The following PIEZO2 variants were observed in gnomAD, a reference collection of about 807,000 sequenced individuals.
PIEZO2 encodes the protein piezo type mechanosensitive ion channel component 2.
Under a neutral mutation model 337.3 loss-of-function variants are expected in PIEZO2, and 172 were observed. The ratio of observed to expected loss-of-function variants is 0.51; its 90% CI spans 0.45 to 0.58. The LOEUF (loss-of-function observed/expected upper bound fraction) is 0.58. Among genes scored for constraint, PIEZO2 ranks in the 20% least tolerant of loss-of-function variants. PIEZO2 has a pLI of 0.00. For synonymous variants in PIEZO2, 1,251 were observed against 1,228.5 expected, an observed-to-expected ratio of 1.02 and a Z score of -0.38; for missense variants, 3,028 against 3,391.3, an observed-to-expected ratio of 0.89 and a Z score of 2.66.
At chr18:11,019,951 G>A (rs1315513465) in intron 2 of PIEZO2, among the ~76,000 whole-genome samples, 5 of 152,108 alleles carry the variant, frequency 3.3e-5, no homozygotes, top group East Asian at 1.9e-4. Context: ...AGGCTGTGCC[G>A]AGCACATGTA....
intron 12 of PIEZO2, among the ~76,000 whole-genome samples, chr18:10,797,041 C>T (rs2039627039): frequency 6.6e-6 from 1 of 151,576 alleles, no homozygotes; most frequent in Non-Finnish European, 1.5e-5. Context: ...TCTTACATAC[C>T]ATCATATATG....
At position 10,856,169 on chromosome 18, in the gene PIEZO2, G is replaced by T. The variant is rs2041699438; in HGVS notation, c.704-603C>A. Among the ~76,000 whole-genome samples, 1 of 152,036 alleles carries T rather than the reference G, an allele frequency of 6.6e-6. No homozygotes were observed. Among genetic ancestry groups the T allele is most frequent in the South Asian group, 2.1e-4 (1 of 4,820 alleles). On this transcript the variant is annotated intron_variant, in intron 6 of 55. Coordinates refer to ENST00000674853, the MANE Select transcript of PIEZO2 (RefSeq NM_001378183.1). The surrounding 1 kb of genome is among the most constrained non-coding windows in gnomAD (Gnocchi z 4.7). ...CCTCCTTGGCCTTCCAAAGGGCTCG[G>T]ATTACAGGCATGAGCCACTGCTCCT... is the stretch of plus-strand genomic sequence containing the variant.
intron 3 of PIEZO2, among the ~76,000 whole-genome samples, chr18:10,963,147 C>T (rs989297032): frequency 2.0e-5 from 3 of 151,830 alleles, no homozygotes; most frequent in Non-Finnish European, 4.4e-5. Context: ...TAGCTGGGCA[C>T]GGTGGCATGC....
Position 10,996,101 on chromosome 18 carries a change from G to C in PIEZO2, c.161-16441C>G, listed in dbSNP as rs368553227. ...AACTAAAACTCAGCTTAATAAAATTGAATTTTATTAGCCTTTAAAACAAGC... is the reference window on the plus strand; with the variant it reads ...AACTAAAACTCAGCTTAATAAAATTCAATTTTATTAGCCTTTAAAACAAGC... On this transcript the variant is annotated intron_variant, in intron 2 of 55. Transcript: ENST00000674853. Among the ~76,000 whole-genome samples, 15 of 152,212 alleles carry C rather than the reference G, an allele frequency of 9.9e-5. No individual in the cohort carries two copies. In the South Asian group the frequency reaches 2.5e-3, roughly 25 times the overall value.
chr18:10,991,308 G>A (rs1185315687), intron 2 of PIEZO2, among the ~76,000 whole-genome samples: 1 of 151,550 alleles, frequency 6.6e-6, no homozygotes, highest in African/African-American at 2.4e-5. Context: ...GTATACATGT[G>A]CCATGGTGGT....
At chr18:11,082,694 A>C (rs543848290) in intron 1 of PIEZO2, among the ~76,000 whole-genome samples, 1 of 152,300 alleles carries the variant, frequency 6.6e-6, no homozygotes, top group East Asian at 1.9e-4. Context: ...TATCAGAAAA[A>C]GAACTAGAGT....
intron 13 of PIEZO2, among the ~76,000 whole-genome samples, chr18:10,792,792 T>G (rs1362076416): frequency 6.6e-6 from 1 of 152,240 alleles, no homozygotes; most frequent in African/African-American, 2.4e-5. Flanking sequence ...TAAATGAACC[T>G]AGGACTGGAA....
In PIEZO2 at chr18:10,724,796, AG is replaced by A. The variant is rs1255080382; in HGVS notation, c.5030-6538del. 2.5e-6 allele frequency: 4 copies of A among 1,585,570 alleles called. No homozygotes were observed. The African/African-American group carries it at 5.4e-5, about 21-fold the overall frequency. On this transcript the variant is annotated intron_variant, in intron 36 of 55. Coordinates refer to ENST00000674853, the MANE Select transcript of PIEZO2 (RefSeq NM_001378183.1). This position sits in a 1 kb window ranked among gnomAD's most constrained non-coding sequence, Gnocchi z 5.8. ...GCAGTCCCCCCAGCACTGCAGCCCC[AG>A]CCTGAGCAGCAGTCGTTCTCACAGA...
chr18:10,803,780 G>T, intron 9 of PIEZO2, 95 bp downstream of exon 9: 2 of 1,405,888 alleles, frequency 1.4e-6, no homozygotes, highest in African/African-American at 1.4e-5. Context: ...ACCTGAATAT[G>T]ATATGATATA....
Position 11,047,071 on chromosome 18 carries a change from C to T in PIEZO2, c.160+19056G>A, listed in dbSNP as rs1479919266. ...GGTAGCAAAACAAGGACCAGATTTC[C>T]GTCTTCACTCATCCTTTCCATGGGG... is the stretch of plus-strand genomic sequence containing the variant. On this transcript the variant is annotated intron_variant, in intron 2 of 55. Coordinates refer to ENST00000674853, the MANE Select transcript of PIEZO2 (RefSeq NM_001378183.1). The surrounding 1 kb of genome is among the most constrained non-coding windows in gnomAD (Gnocchi z 7.2). Among the ~76,000 whole-genome samples the T allele has an allele frequency of 1.3e-5, 2 of 152,194 alleles. No homozygotes were observed. Among genetic ancestry groups the T allele is most frequent in the Non-Finnish European group, 2.9e-5 (2 of 68,036 alleles).
At chr18:11,095,558 G>A (rs1435796040) in intron 1 of PIEZO2, among the ~76,000 whole-genome samples, 1 of 152,114 alleles carries the variant, frequency 6.6e-6, no homozygotes, top group East Asian at 1.9e-4. Flanking sequence ...GCAACATGTT[G>A]GCCAAAGATA....
intron 36 of PIEZO2, among the ~76,000 whole-genome samples, chr18:10,720,411 A>ATG (rs1361622448): frequency 1.0e-4 from 1 of 9,970 alleles, no homozygotes. Flanking sequence ...GTGTATGTGT[A>ATG]TGTGTATGTA....
chr18:10,857,850 C>A (rs1251072666), intron 5 of PIEZO2, among the ~76,000 whole-genome samples: 2 of 152,190 alleles, frequency 1.3e-5, no homozygotes, highest in Non-Finnish European at 2.9e-5. Context: ...TGTACCAGAA[C>A]ATATGCATAT....
chr18:11,067,073 A>G (rs2038178345), intron 1 of PIEZO2, among the ~76,000 whole-genome samples: 1 of 152,228 alleles, frequency 6.6e-6, no homozygotes, highest in South Asian at 2.1e-4. Flanking sequence ...GAAAATCACC[A>G]AATCACAAAG....
intron 2 of PIEZO2, among the ~76,000 whole-genome samples, chr18:11,022,991 G>A (rs1023408607): frequency 6.6e-5 from 10 of 151,920 alleles, no homozygotes; most frequent in African/African-American, 1.9e-4. Flanking sequence ...TTCTTAAGGC[G>A]GGGAGTCTGG....
intron 2 of PIEZO2, among the ~76,000 whole-genome samples, chr18:11,043,794 T>C (rs1382765011): frequency 1.3e-5 from 2 of 152,018 alleles, no homozygotes; most frequent in African/African-American, 4.8e-5. Flanking sequence ...CTCAGCCTCC[T>C]GAGTAGCTGA....
At chr18:11,043,248 C>T (rs1338046141) in intron 2 of PIEZO2, among the ~76,000 whole-genome samples, 1 of 16,388 alleles carries the variant, frequency 6.1e-5, no homozygotes, top group Non-Finnish European at 1.7e-4. Flanking sequence ...TAAACGCACA[C>T]ACACACACAC....
rs2035178480 is a variant in PIEZO2 at position 10,993,303 on chromosome 18, T to C, written c.161-13643A>G. Among the ~76,000 whole-genome samples the C allele has an allele frequency of 1.3e-5, 2 of 152,170 alleles. No individual in the cohort carries two copies. The highest frequency in any genetic ancestry group is 2.9e-5 in the Non-Finnish European group (2 of 68,022). On this transcript the variant is annotated intron_variant, in intron 2 of 55. Transcript: ENST00000674853. This position sits in a 1 kb window ranked among gnomAD's most constrained non-coding sequence, Gnocchi z 5.0. ...AGAGAGTGCCGGTTTTCAAAGGGAA[T>C]GCTTCCAGTTTTTGCCCATTCAGTA...
Position 10,988,364 on chromosome 18 carries a change from C to T in PIEZO2, c.161-8704G>A, listed in dbSNP as rs960440127. Reference sequence around the variant, plus strand: ...ATAAATTATCCAGTCTGTGACATTTCGTTTAGCAGCACAAATGTATTAAGA... The same window carrying T: ...ATAAATTATCCAGTCTGTGACATTTTGTTTAGCAGCACAAATGTATTAAGA... On this transcript the variant is annotated intron_variant, in intron 2 of 55. Transcript: ENST00000674853. This position sits in a 1 kb window ranked among gnomAD's most constrained non-coding sequence, Gnocchi z 4.8. Among the ~76,000 whole-genome samples, 31 of 152,062 alleles carry T rather than the reference C, an allele frequency of 2.0e-4. No individual in the cohort carries two copies. The highest frequency in any genetic ancestry group is 7.5e-4 in the African/African-American group (31 of 41,396).
Sources: allele counts gnomAD v4.1 joint callset (sites outside exome capture counted in the v4.1 genomes callset), GRCh38; gene constraint gnomAD v4.1.1; non-coding constraint Gnocchi (gnomAD v3.1); transcripts MANE v1.5; gene names NCBI Gene and HGNC (gene_info 2026-07-23, HGNC 2026-07-21).